SPATA7: variants seen among roughly 807,000 people sequenced by gnomAD.
SPATA7 encodes spermatogenesis-associated protein 7.
Under a neutral mutation model 51.8 loss-of-function variants are expected in SPATA7, and 43 were observed. The ratio of observed to expected loss-of-function variants is 0.83; its 90% CI spans 0.65 to 1.07. The LOEUF (loss-of-function observed/expected upper bound fraction) is 1.07, where lower values mean the gene tolerates loss of function less well. Ranked by LOEUF, SPATA7 falls within the 50% of genes least tolerant of loss-of-function variation. The probability of loss-of-function intolerance (pLI) is 0.00; values close to 1 mark genes in which losing one functional copy is unlikely to be tolerated. For missense variants in SPATA7, 683 were observed against 701.3 expected (o/e 0.97, Z 0.30); for synonymous variants, 230 against 252.8 (o/e 0.91, Z 0.86).
chr14:88,452,850 G>A (rs1454511712), intron 3 of SPATA7, among the ~76,000 whole-genome samples: 1 of 152,110 alleles, frequency 6.6e-6, no homozygotes, highest in East Asian at 1.9e-4. Flanking sequence ...CCCAGTTCAT[G>A]TCCTGCCATC....
At chr14:88,429,932 GTC>G (rs1024647066) in intron 8 of SPATA7, among the ~76,000 whole-genome samples, 1 of 61,198 alleles carries the variant, frequency 1.6e-5, no homozygotes, top group Non-Finnish European at 3.8e-5. Context: ...TTATGAGACA[GTC>G]TCTCTCTGTT....
At chr14:88,467,242 G>A (rs981710341) in intron 4 of SPATA7, 1 of 152,084 alleles carries the variant, frequency 6.6e-6, no homozygotes, top group Non-Finnish European at 1.5e-5. Context: ...CATCTACAAA[G>A]CAACACATAT....
chr14:88,427,490 CAAAT>C lies in SPATA7; in HGVS notation c.846-137_846-134del, dbSNP rs1191808503. Reference sequence around the variant, plus strand: ...CTGCAGATATTTAATCAAATAAAATCAAATAATTCAAAATTATGTATTTTATAAG... The same window carrying C: ...CTGCAGATATTTAATCAAATAAAATCAATTCAAAATTATGTATTTTATAAG... On this transcript the variant is annotated intron_variant, in intron 6 of 11. Coordinates refer to ENST00000393545, the MANE Select transcript of SPATA7 (RefSeq NM_018418.5). 7.7e-5 allele frequency: 47 copies of C among 611,654 alleles called. No homozygotes were observed. In the East Asian group the frequency reaches 1.3e-3, roughly 17 times the overall value. 37.9% of individuals were successfully genotyped at this position (611,654 alleles called of 1,614,324 possible). A position where few individuals can be genotyped will look rare whatever the true frequency, so the allele number is the denominator to read the frequency against.
At chr14:88,451,738 T>C (rs2077253116) in intron 3 of SPATA7, among the ~76,000 whole-genome samples, 1 of 152,164 alleles carries the variant, frequency 6.6e-6, no homozygotes, top group African/African-American at 2.4e-5. Context: ...TTGGCCAGGC[T>C]GGTCTCGAAC....
chr14:88,446,334 CT>C (rs1262351095), intron 3 of SPATA7, among the ~76,000 whole-genome samples: 12 of 152,052 alleles, frequency 7.9e-5, no homozygotes, highest in Non-Finnish European at 1.5e-4. Context: ...GTGATATCCC[CT>C]TTATCATTTT....
chr14:88,464,916 G>C (rs965573387), intron 4 of SPATA7, among the ~76,000 whole-genome samples: 1 of 152,108 alleles, frequency 6.6e-6, no homozygotes, highest in Non-Finnish European at 1.5e-5. Context: ...TGAAATGACT[G>C]ATGGTGAAAG....
rs73329646 is a variant in SPATA7, at chr14:88,469,278, A to G, written c.255-569A>G. ...GTCCACTTTCTGATCTACAAAATGAAATGACGGAGATACTGAGTCAGCTGT... is the reference window on the plus strand; with the variant it reads ...GTCCACTTTCTGATCTACAAAATGAGATGACGGAGATACTGAGTCAGCTGT... On this transcript the variant is annotated intron_variant, in intron 4 of 4. Coordinates refer to the SPATA7 transcript ENST00000556406. The surrounding 1 kb of genome is among the most constrained non-coding windows in gnomAD (Gnocchi z 4.3). 0.037 allele frequency among the ~76,000 whole-genome samples: 5,623 copies of G among 152,204 alleles called. 353 individuals carry two copies. The highest frequency in any genetic ancestry group is 0.13 in the African/African-American group (5,352 of 41,496).
chr14:88,465,791 T>TGC (rs2077354590), intron 4 of SPATA7: 1 of 152,204 alleles, frequency 6.6e-6, no homozygotes, highest in African/African-American at 2.4e-5. Flanking sequence ...TGTGGATAGA[T>TGC]TTTTATTCAG....
rs939973198 is a variant in SPATA7 at position 88,467,903 on chromosome 14, G to A, written c.255-1944G>A. On this transcript the variant is annotated intron_variant, in intron 4 of 4. Coordinates refer to the SPATA7 transcript ENST00000556406. ...CTGCAAACCGGACAGACCGGGGCAG[G>A]GCAAGGCCCTTGAAACCAAGTCCTC... The A allele has an allele frequency of 8.3e-6, 5 of 601,000 alleles. No individual in the cohort carries two copies. In the African/African-American group the frequency reaches 9.2e-5, roughly 11 times the overall value. The allele number at this position is 601,000 out of a possible 1,614,324, so 37.2% of individuals were successfully genotyped here.
chr14:88,403,955 CTTGA>C (rs1400574107), intron 4 of SPATA7, among the ~76,000 whole-genome samples: 8 of 152,108 alleles, frequency 5.3e-5, no homozygotes, highest in Non-Finnish European at 1.0e-4. Flanking sequence ...TATTAATTAT[CTTGA>C]TTATGATCAT....
chr14:88,411,498 T>A (rs1219233382), intron 4 of SPATA7, among the ~76,000 whole-genome samples: 1 of 152,032 alleles, frequency 6.6e-6, no homozygotes, highest in Non-Finnish European at 1.5e-5. Flanking sequence ...GCCTTGGTGG[T>A]GTAGGCACCT....
At position 88,400,855 on chromosome 14, in the gene SPATA7, T is replaced by C. The variant is rs556679033; in HGVS notation, c.238+4652T>C. Among the ~76,000 whole-genome samples, 31 of 151,738 alleles carry C rather than the reference T, an allele frequency of 2.0e-4. No individual in the cohort carries two copies. In the South Asian group the frequency reaches 6.5e-3, roughly 32 times the overall value. On this transcript the variant is annotated intron_variant, in intron 4 of 11. Transcript: ENST00000393545. ...ATCTCAAAAAAATAAAATTAAAAAT[T>C]AAAAAAAACTTCCCAACAAAGAATA...
exon 5 of SPATA7, chr14:88,470,226 A>G (rs2077439385): frequency 1.6e-6 from 1 of 626,684 alleles, no homozygotes; most frequent in African/African-American, 1.8e-5. Context: ...CCTTGTGAAT[A>G]CAATTTGCAT....
At chr14:88,399,821 C>T (rs912529839) in intron 4 of SPATA7, among the ~76,000 whole-genome samples, 1 of 152,128 alleles carries the variant, frequency 6.6e-6, no homozygotes, top group Non-Finnish European at 1.5e-5. Context: ...CATCAGAACT[C>T]CTAAATATAT....
intron 3 of SPATA7, among the ~76,000 whole-genome samples, chr14:88,395,130 T>A (rs1368939524): frequency 2.6e-5 from 4 of 152,096 alleles, no homozygotes; most frequent in Non-Finnish European, 5.9e-5. Context: ...TTAAAAATTG[T>A]ATAGGGAGTT....
At chr14:88,432,962 A>G (rs2076980830) in intron 9 of SPATA7, 173 bp from the exon 10 acceptor site, 6 of 589,702 alleles carry the variant, frequency 1.0e-5, no homozygotes, top group African/African-American at 1.9e-5. Context: ...TTATCCTTGC[A>G]TAATTTGAGA....
At chr14:88,421,229 C>T (rs1481129983) in intron 5 of SPATA7, among the ~76,000 whole-genome samples, 7 of 152,292 alleles carry the variant, frequency 4.6e-5, no homozygotes, top group Admixed American at 2.6e-4. Flanking sequence ...CCAGCAGTCT[C>T]CTTCAACTCA....
At chr14:88,450,709 T>C (rs1221416425) in intron 3 of SPATA7, among the ~76,000 whole-genome samples, 1 of 152,220 alleles carries the variant, frequency 6.6e-6, no homozygotes, top group Non-Finnish European at 1.5e-5. Flanking sequence ...CCTGATGCTT[T>C]TGCCGCATAG....
intron 4 of SPATA7, chr14:88,468,395 T>C (rs751042958): frequency 2.8e-5 from 25 of 889,150 alleles, no homozygotes; most frequent in Non-Finnish European, 3.6e-5. Context: ...TAGCGTCTTC[T>C]AGAAATAAGC....
Sources: gnomAD v4.1 joint callset for allele counts (sites outside exome capture counted in the v4.1 genomes callset) on GRCh38, gnomAD v4.1.1 for gene constraint, Gnocchi (gnomAD v3.1) non-coding constraint, MANE v1.5 for transcripts, NCBI Gene and HGNC (gene_info 2026-07-23, HGNC 2026-07-21) for gene names.